WDFY3: variants seen among roughly 807,000 people sequenced by gnomAD.
WDFY3 encodes WD repeat and FYVE domain-containing protein 3.
A neutral mutation model predicts 409.6 loss-of-function variants in WDFY3; 66 were observed. The ratio of observed to expected loss-of-function variants is 0.16; its 90% CI spans 0.13 to 0.20. The LOEUF is 0.20. Ranked by LOEUF, WDFY3 falls within the 10% of genes least tolerant of loss-of-function variation. WDFY3 has a pLI of 1.00. For missense variants in WDFY3, 3,031 were observed against 4,298.1 expected, an observed-to-expected ratio of 0.71 and a Z score of 8.24; for synonymous variants, 1,521 against 1,537.1, an observed-to-expected ratio of 0.99 and a Z score of 0.25.
At chr4:84,687,954 C>T in intron 62 of WDFY3, 132 bp downstream of exon 62, 1 of 965,542 alleles carries the variant, frequency 1.0e-6, no homozygotes, top group Admixed American at 2.2e-5. Context: ...GTCCTGGGCT[C>T]AACTAATCCT....
At chr4:84,850,197 A>G (rs965127080) in intron 4 of WDFY3, among the ~76,000 whole-genome samples, 172 bp from the exon 5 acceptor site, 1 of 152,248 alleles carries the variant, frequency 6.6e-6, no homozygotes, top group Non-Finnish European at 1.5e-5. Flanking sequence ...TCACATGTCT[A>G]GCCACATTTC....
At chr4:84,783,098 A>T in intron 24 of WDFY3, 24 bp from the exon 25 acceptor site, 1 of 1,586,144 alleles carries the variant, frequency 6.3e-7, no homozygotes, top group Non-Finnish European at 8.7e-7. Flanking sequence ...AAGGAAAAGA[A>T]TGTAATTATA....
chr4:84,791,708 G>A (rs547128586), intron 21 of WDFY3, among the ~76,000 whole-genome samples: 1 of 152,218 alleles, frequency 6.6e-6, no homozygotes, highest in African/African-American at 2.4e-5. Flanking sequence ...CAGTAAGAAG[G>A]AGATGATTTA....
chr4:84,855,619 A>T (rs1216813647), intron 4 of WDFY3, among the ~76,000 whole-genome samples: 1 of 152,164 alleles, frequency 6.6e-6, no homozygotes, highest in African/African-American at 2.4e-5. Context: ...CAAAGTTTTT[A>T]AAAATGGAGG....
intron 36 of WDFY3, among the ~76,000 whole-genome samples, chr4:84,746,084 G>T (rs1478921966): frequency 6.8e-6 from 1 of 148,024 alleles, no homozygotes; most frequent in African/African-American, 2.5e-5. Context: ...AAGGCAGGTG[G>T]ATTACTTGAA....
intron 1 of WDFY3, among the ~76,000 whole-genome samples, chr4:84,939,140 T>C (rs1771794665): frequency 6.6e-6 from 1 of 152,158 alleles, no homozygotes; most frequent in Non-Finnish European, 1.5e-5. Flanking sequence ...TAGCCTTTCT[T>C]TCTCTTTTAT....
chr4:84,923,880 T>C (rs1769623269), intron 2 of WDFY3, among the ~76,000 whole-genome samples: 2 of 152,124 alleles, frequency 1.3e-5, no homozygotes, highest in South Asian at 4.1e-4. Flanking sequence ...GCACCCATAG[T>C]ACCAGCTATT....
intron 1 of WDFY3, among the ~76,000 whole-genome samples, chr4:84,952,466 T>C (rs913486468): frequency 1.3e-5 from 2 of 152,200 alleles, no homozygotes; most frequent in African/African-American, 2.4e-5. Flanking sequence ...CCATCTGCTA[T>C]ACTGAATGAC....
chr4:84,695,835 A>G (rs1050559023), intron 58 of WDFY3, 135 bp downstream of exon 58: 1 of 873,696 alleles, frequency 1.1e-6, no homozygotes, highest in African/African-American at 1.7e-5. Context: ...CTAGGAATCT[A>G]TTGAAATCCT....
chr4:84,750,220 CA>C (rs1465937606), intron 36 of WDFY3, among the ~76,000 whole-genome samples: 1 of 152,014 alleles, frequency 6.6e-6, no homozygotes, highest in Non-Finnish European at 1.5e-5. Flanking sequence ...TTAAAGTTTC[CA>C]AAGGGGAGAC....
chr4:84,875,263 AACAC>A (rs58589086), intron 3 of WDFY3, among the ~76,000 whole-genome samples: 5,322 of 137,480 alleles, frequency 0.039, 106 homozygotes, highest in Middle Eastern at 0.05. Context: ...GCAAGACTCA[AACAC>A]ACACACACAC....
At chr4:84,866,498 G>T (rs988079173) in intron 3 of WDFY3, among the ~76,000 whole-genome samples, 1 of 152,164 alleles carries the variant, frequency 6.6e-6, no homozygotes, top group Admixed American at 6.5e-5. Flanking sequence ...TTTCCACCAC[G>T]TCCTAGATGG....
intron 5 of WDFY3, among the ~76,000 whole-genome samples, chr4:84,846,869 A>G (rs756034746): frequency 6.6e-6 from 1 of 152,004 alleles, no homozygotes; most frequent in Non-Finnish European, 1.5e-5. Flanking sequence ...CCAAACTACC[A>G]AAGAACCCCT....
chr4:84,766,531 A>G (rs1743671198), intron 30 of WDFY3, among the ~76,000 whole-genome samples, 159 bp from the exon 31 acceptor site: 1 of 152,226 alleles, frequency 6.6e-6, no homozygotes, highest in Non-Finnish European at 1.5e-5. Flanking sequence ...GGTCAGTTAA[A>G]TATTTCTCTT....
chr4:84,738,781 T>G (rs753346842), intron 40 of WDFY3, among the ~76,000 whole-genome samples: 6 of 152,166 alleles, frequency 3.9e-5, no homozygotes, highest in African/African-American at 1.4e-4. Context: ...ATGTAAATAT[T>G]AATACCACCA....
At chr4:84,922,427 TC>T (rs1769408446) in intron 2 of WDFY3, among the ~76,000 whole-genome samples, 1 of 152,170 alleles carries the variant, frequency 6.6e-6, no homozygotes, top group Non-Finnish European at 1.5e-5. Context: ...ATTAATTTAG[TC>T]TTTTTATAAC....
intron 16 of WDFY3, among the ~76,000 whole-genome samples, chr4:84,802,578 C>T (rs940211702): frequency 6.6e-6 from 1 of 152,060 alleles, no homozygotes. Flanking sequence ...AGAAGCATAC[C>T]TTTTAATATG....
intron 13 of WDFY3, among the ~76,000 whole-genome samples, chr4:84,814,166 T>G (rs561133111): frequency 1.3e-5 from 2 of 152,152 alleles, no homozygotes; most frequent in African/African-American, 4.8e-5. Flanking sequence ...TTGAAGGCAA[T>G]TGGGAAGAAG....
chr4:84,682,651 T>A (rs1727577783), intron 63 of WDFY3, 181 bp from the exon 64 acceptor site: 2 of 597,906 alleles, frequency 3.3e-6, no homozygotes, highest in Non-Finnish European at 6.0e-6. Context: ...CAATGGCTGT[T>A]TCAAAGTACA....
Sources: gnomAD v4.1 joint callset for allele counts (sites outside exome capture counted in the v4.1 genomes callset) on GRCh38, gnomAD v4.1.1 for gene constraint, MANE v1.5 for transcripts, NCBI Gene and HGNC (gene_info 2026-07-23, HGNC 2026-07-21) for gene names.